Variants in ABCA6 observed in about 807,000 individuals in gnomAD.
ABCA6 encodes the protein ATP-binding cassette sub-family A member 6.
A neutral mutation model predicts 191.2 loss-of-function variants in ABCA6; 164 were observed. That is an observed-to-expected ratio of 0.86 (90% confidence interval 0.76 to 0.98). The LOEUF (loss-of-function observed/expected upper bound fraction) is 0.98, where lower values mean the gene tolerates loss of function less well. Among genes scored for constraint, ABCA6 ranks in the 50% least tolerant of loss-of-function variants. The pLI is 0.00. For missense variants in ABCA6, 1,958 were observed against 1,894.1 expected, an observed-to-expected ratio of 1.03 and a Z score of -0.63; for synonymous variants, 636 against 647.7, an observed-to-expected ratio of 0.98 and a Z score of 0.27.
intron 29 of ABCA6, among the ~76,000 whole-genome samples, chr17:69,086,938 C>G (rs2072809847): frequency 6.6e-6 from 1 of 152,144 alleles, no homozygotes; most frequent in African/African-American, 2.4e-5. Context: ...AGCTTATTGT[C>G]TTGCCAGAAG....
In ABCA6 at chr17:69,128,821, A is replaced by G. The variant is rs1218864621; in HGVS notation, c.934-17T>C. On this transcript the variant is annotated splice_polypyrimidine_tract_variant and intron_variant, in intron 7 of 38. Coordinates refer to ENST00000284425, the MANE Select transcript of ABCA6 (RefSeq NM_080284.3). ...CAAAGCTACCTGCAAGAGAGAGAAGACATTCAGCTGTTATAAAAAATATTT... is the reference window on the plus strand; with the variant it reads ...CAAAGCTACCTGCAAGAGAGAGAAGGCATTCAGCTGTTATAAAAAATATTT... 1.3e-6 allele frequency: 2 copies of G among 1,552,322 alleles called. No individual in the cohort carries two copies. The highest frequency in any genetic ancestry group is 4.0e-5 in the Admixed American group (2 of 50,592).
chr17:69,138,628 G>A (rs1200013662), intron 2 of ABCA6, among the ~76,000 whole-genome samples: 5 of 151,348 alleles, frequency 3.3e-5, no homozygotes, highest in East Asian at 1.9e-4. Context: ...AAAAGAGCCC[G>A]CATCGCCAAG....
intron 11 of ABCA6, among the ~76,000 whole-genome samples, chr17:69,116,794 C>A (rs757793715): frequency 6.6e-6 from 1 of 152,066 alleles, no homozygotes; most frequent in African/African-American, 2.4e-5. Context: ...GGGATTGCAA[C>A]TTCTTCCCTG....
At chr17:69,096,524 TA>T (rs897152954) in intron 24 of ABCA6, 103 bp downstream of exon 24, 31 of 1,009,648 alleles carry the variant, frequency 3.1e-5, no homozygotes, top group Non-Finnish European at 4.0e-5. Flanking sequence ...TGTTTTGGTT[TA>T]TTACAAAATA....
intron 6 of ABCA6, 49 bp downstream of exon 6, chr17:69,133,592 T>A: frequency 7.4e-7 from 1 of 1,343,826 alleles, no homozygotes; most frequent in Non-Finnish European, 1.0e-6. Context: ...TTTCACTGCT[T>A]CTTAATTTTC....
At chr17:69,115,994 C>A (rs151227222) in intron 11 of ABCA6, 2,232 of 152,188 alleles carry the variant, frequency 0.015, 25 homozygotes, top group Non-Finnish European at 0.023. Context: ...GTAGCTGAGA[C>A]TATTGGCCCA....
chr17:69,102,940 T>A lies in ABCA6; in HGVS notation c.2769A>T (p.Ser923=). 6.4e-7 allele frequency: 1 copy of A among 1,555,668 alleles called. No individual in the cohort carries two copies. Among genetic ancestry groups the A allele is most frequent in the Non-Finnish European group, 8.8e-7 (1 of 1,138,428 alleles). ...TESNIEDFIK[S]LKHQNILLEV... ...CCAAAAGTATATTTTGATGCTTCAG[T>A]GATTTTATAAAATCTTCAATATTTG... The change falls in exon 21 of 39, where the codon TCA becomes TCT. Residue 923 remains serine (S), a synonymous_variant. Coordinates refer to ENST00000284425, the MANE Select transcript of ABCA6 (RefSeq NM_080284.3).
At position 69,138,708 on chromosome 17, in the gene ABCA6, A is replaced by G. The variant is rs564691193; in HGVS notation, c.97-1208T>C. ...TGACTTCAAACTATACTACAAGGCC[A>G]CAGTAACCAAAACAGCATGGTACTG... On this transcript the variant is annotated intron_variant, in intron 2 of 38. Transcript: ENST00000284425. 2.8e-4 allele frequency among the ~76,000 whole-genome samples: 43 copies of G among 151,542 alleles called. No individual in the cohort carries two copies. In the East Asian group the frequency reaches 6.6e-3, roughly 23 times the overall value.
At chr17:69,134,036 TCTC>T (rs901550247) in intron 5 of ABCA6, among the ~76,000 whole-genome samples, 169 bp from the exon 6 acceptor site, 10 of 152,186 alleles carry the variant, frequency 6.6e-5, no homozygotes, top group African/African-American at 2.4e-4. Flanking sequence ...TACATGGACT[TCTC>T]TGTACATTAC....
At chr17:69,139,510 T>G (rs1021399325) in intron 2 of ABCA6, among the ~76,000 whole-genome samples, 1 of 152,122 alleles carries the variant, frequency 6.6e-6, no homozygotes, top group Non-Finnish European at 1.5e-5. Context: ...GAATGTAAAC[T>G]AGTTCAACCA....
rs2073807863 is a variant in ABCA6 at position 69,128,892 on chromosome 17, T to A, written c.934-88A>T. The A allele has an allele frequency of 2.5e-5, 25 of 999,062 alleles. No individual in the cohort carries two copies. The South Asian group carries it at 4.8e-4, about 19-fold the overall frequency. The allele number at this position is 999,062 out of a possible 1,614,324, so 61.9% of individuals were successfully genotyped here. On this transcript the variant is annotated intron_variant, in intron 7 of 38. Transcript: ENST00000284425. ...CAGCCCAATCAAATAAGGATTTTTATATCATAACATAAATATTTATCAGTG... is the reference window on the plus strand; with the variant it reads ...CAGCCCAATCAAATAAGGATTTTTAAATCATAACATAAATATTTATCAGTG...
At chr17:69,079,960 G>A (rs2072590563) in intron 37 of ABCA6, among the ~76,000 whole-genome samples, 1 of 152,122 alleles carries the variant, frequency 6.6e-6, no homozygotes, top group Admixed American at 6.6e-5. Context: ...TTTTTTACCG[G>A]ATGGTCAGAG....
intron 26 of ABCA6, among the ~76,000 whole-genome samples, chr17:69,090,141 T>A (rs770152467): frequency 1.6e-4 from 25 of 152,240 alleles, no homozygotes; most frequent in Admixed American, 3.3e-4. Context: ...AGGGATTAGT[T>A]TCTAATCGAG....
At chr17:69,097,372 CAG>C (rs1162375879) in intron 23 of ABCA6, among the ~76,000 whole-genome samples, 4 of 139,396 alleles carry the variant, frequency 2.9e-5, no homozygotes, top group Non-Finnish European at 4.5e-5. Flanking sequence ...GCCTGGGCAA[CAG>C]AGTGAGACTC....
chr17:69,090,541 C>T (rs1320909952), intron 26 of ABCA6, among the ~76,000 whole-genome samples: 2 of 152,168 alleles, frequency 1.3e-5, no homozygotes, highest in African/African-American at 2.4e-5. Context: ...CTTGTGTGTC[C>T]TCCCTTGGCC....
intron 18 of ABCA6, among the ~76,000 whole-genome samples, chr17:69,107,215 A>G (rs571882618): frequency 1.3e-5 from 2 of 152,258 alleles, no homozygotes; most frequent in South Asian, 4.1e-4. Flanking sequence ...GAAGGCATAT[A>G]TATCAATGTA....
intron 22 of ABCA6, among the ~76,000 whole-genome samples, chr17:69,098,765 T>C (rs2073109344): frequency 6.6e-6 from 1 of 151,886 alleles, no homozygotes; most frequent in African/African-American, 2.4e-5. Flanking sequence ...ACTAGTAATA[T>C]TCATAGAAAC....
chr17:69,123,496 A>T, intron 9 of ABCA6, 89 bp from the exon 10 acceptor site: 1 of 912,282 alleles, frequency 1.1e-6, no homozygotes, highest in Non-Finnish European at 1.5e-6. Context: ...GAATGCCTTG[A>T]AGTTTTAAGC....
chr17:69,103,011 AATAC>A, intron 20 of ABCA6, 43 bp from the exon 21 acceptor site: 1 of 1,224,558 alleles, frequency 8.2e-7, no homozygotes, highest in East Asian at 2.5e-5. Context: ...AAAGTAAGAA[AATAC>A]ATATCAAACT....
Sources: gnomAD v4.1 joint callset for allele counts (sites outside exome capture counted in the v4.1 genomes callset) on GRCh38, gnomAD v4.1.1 for gene constraint, MANE v1.5 for transcripts, NCBI Gene and HGNC (gene_info 2026-07-23, HGNC 2026-07-21) for gene names.